The following CORIN variants were observed in gnomAD, a reference collection of about 807,000 sequenced individuals.
CORIN encodes corin, serine peptidase.
A neutral mutation model predicts 125.3 loss-of-function variants in CORIN; 117 were observed. That is an observed-to-expected ratio of 0.93 (90% CI 0.80 to 1.09). The LOEUF is 1.09. CORIN is among the 50% of genes least tolerant of loss of function. The pLI is 0.00. For missense variants in CORIN, 1,253 were observed against 1,306.7 expected (o/e 0.96, Z 0.63); for synonymous variants, 450 against 466.4 (o/e 0.96, Z 0.45).
chr4:47,789,559 T>TA (rs772357562), intron 2 of CORIN, among the ~76,000 whole-genome samples: 4 of 152,206 alleles, frequency 2.6e-5, no homozygotes, highest in Non-Finnish European at 5.9e-5. Context: ...AGAATAAACT[T>TA]AAAGGACATG....
chr4:47,660,375 A>C (rs1444625984), intron 12 of CORIN, among the ~76,000 whole-genome samples: 1 of 152,210 alleles, frequency 6.6e-6, no homozygotes, highest in Non-Finnish European at 1.5e-5. Context: ...AAAGCAAAGG[A>C]AAGTGAAGAG....
intron 3 of CORIN, among the ~76,000 whole-genome samples, chr4:47,769,019 A>G (rs1359019040): frequency 6.6e-6 from 1 of 152,214 alleles, no homozygotes; most frequent in Non-Finnish European, 1.5e-5. Context: ...TCAGAAAGAA[A>G]GAAGTTAAAC....
At chr4:47,603,113 G>C (rs1041433446) in intron 20 of CORIN, among the ~76,000 whole-genome samples, 1 of 152,154 alleles carries the variant, frequency 6.6e-6, no homozygotes, top group African/African-American at 2.4e-5. Context: ...GGATCTGGTG[G>C]GAGGTAATTG....
intron 5 of CORIN, among the ~76,000 whole-genome samples, chr4:47,701,351 T>C (rs1726285040): frequency 6.6e-6 from 1 of 152,242 alleles, no homozygotes; most frequent in Non-Finnish European, 1.5e-5. Flanking sequence ...TTGGTTCATT[T>C]TTTTCCTTTG....
rs577281723 is a variant in CORIN, at chr4:47,752,308, CTG to C, written c.618-7727_618-7726del. Among the ~76,000 whole-genome samples, 369 of 152,322 alleles carry C rather than the reference CTG, an allele frequency of 2.4e-3. 2 individuals are homozygous for C. Among genetic ancestry groups the C allele is most frequent in the African/African-American group, 8.1e-3 (338 of 41,578 alleles). On this transcript the variant is annotated intron_variant, in intron 4 of 21. Coordinates refer to ENST00000273857, the MANE Select transcript of CORIN (RefSeq NM_006587.4). ...ATCTCTCACCGGCATAACATAAGCT[CTG>C]TGAAGCCAGGGATATTTGTTTATTT...
chr4:47,670,730 T>C (rs1367571972), intron 10 of CORIN, among the ~76,000 whole-genome samples: 1 of 152,154 alleles, frequency 6.6e-6, no homozygotes, highest in African/African-American at 2.4e-5. Context: ...TTCTCCCCAT[T>C]GTCTGGATTG....
At chr4:47,812,066 C>G (rs1732088096) in intron 1 of CORIN, among the ~76,000 whole-genome samples, 1 of 152,100 alleles carries the variant, frequency 6.6e-6, no homozygotes, top group African/African-American at 2.4e-5. Flanking sequence ...ATCTCTTCAT[C>G]AGGGCTTTTA....
chr4:47,719,479 T>C (rs1403714944), intron 5 of CORIN, among the ~76,000 whole-genome samples: 1 of 152,216 alleles, frequency 6.6e-6, no homozygotes, highest in Non-Finnish European at 1.5e-5. Context: ...AGGAACAACA[T>C]ACAAATTATT....
chr4:47,821,531 C>T (rs1382120526), intron 1 of CORIN, among the ~76,000 whole-genome samples: 1 of 151,552 alleles, frequency 6.6e-6, no homozygotes, highest in African/African-American at 2.4e-5. Context: ...GATCGGAGTT[C>T]AAGGTATTAA....
Position 47,732,693 on chromosome 4 carries a change from G to A in CORIN, c.799+11709C>T, listed in dbSNP as rs1208234064. Among the ~76,000 whole-genome samples, 9 of 151,912 alleles carry A rather than the reference G, an allele frequency of 5.9e-5. No individual in the cohort carries two copies. In the East Asian group the frequency reaches 1.6e-3, roughly 26 times the overall value. ...ATTCTCCTGCCTCAGCCTCTTGAGGGCCTGGGATTACAGGCACACGCCACC... is the reference window on the plus strand; with the variant it reads ...ATTCTCCTGCCTCAGCCTCTTGAGGACCTGGGATTACAGGCACACGCCACC... On this transcript the variant is annotated intron_variant, in intron 5 of 21. Coordinates refer to ENST00000273857, the MANE Select transcript of CORIN (RefSeq NM_006587.4).
At chr4:47,787,027 T>C (rs1408667705) in intron 2 of CORIN, 102 bp from the exon 3 acceptor site, 1 of 818,484 alleles carries the variant, frequency 1.2e-6, no homozygotes, top group East Asian at 2.7e-5. Context: ...ACTTTCCCTA[T>C]GTCATTCTAA....
At chr4:47,719,069 A>G (rs909276154) in intron 5 of CORIN, among the ~76,000 whole-genome samples, 2 of 152,204 alleles carry the variant, frequency 1.3e-5, no homozygotes, top group African/African-American at 4.8e-5. Context: ...CTGCAGCTCA[A>G]GCCTCTCTCC....
Position 47,677,944 on chromosome 4 carries a change from T to C in CORIN, c.1243A>G (p.Ser415Gly). 1 of 1,609,422 alleles carries C rather than the reference T, an allele frequency of 6.2e-7. No individual in the cohort carries two copies. Among genetic ancestry groups the C allele is most frequent in the South Asian group, 1.1e-5 (1 of 90,988 alleles). Reference protein sequence around the residue: ...CKDGSDEENCSVIQTSCQEGD... With the variant: ...CKDGSDEENCGVIQTSCQEGD... ...GGTGGTGGGACACACTTACTGACGC[T>C]GCAGTTCTCCTCATCACTCCCATCC... Residue 415 changes from serine to glycine, a missense_variant, in exon 9 of 22, where the codon AGC becomes GGC. Physicochemically the swap from Ser to Gly is moderately conservative, Grantham distance 56. Transcript: ENST00000273857.
chr4:47,706,807 T>A (rs1726588305), intron 5 of CORIN: 2 of 1,598,156 alleles, frequency 1.3e-6, no homozygotes, highest in Non-Finnish European at 1.7e-6. Context: ...TCAGAAGAAA[T>A]CCTGACACCC....
chr4:47,643,290 A>G, intron 14 of CORIN, 34 bp from the exon 15 acceptor site: 1 of 1,555,206 alleles, frequency 6.4e-7, no homozygotes, highest in South Asian at 1.2e-5. Context: ...GAAGGAAAAC[A>G]TTTTAGAAAT....
intron 3 of CORIN, among the ~76,000 whole-genome samples, chr4:47,785,549 A>T (rs1730754843): frequency 1.3e-5 from 2 of 152,188 alleles, no homozygotes; most frequent in African/African-American, 4.8e-5. Context: ...AACATGTAAA[A>T]TAAATTTTAC....
intron 16 of CORIN, among the ~76,000 whole-genome samples, chr4:47,638,416 C>T (rs1461199990): frequency 6.6e-6 from 1 of 152,106 alleles, no homozygotes. Context: ...GGCTGTGTCT[C>T]CACCCAAATC....
intron 4 of CORIN, among the ~76,000 whole-genome samples, chr4:47,746,041 A>G (rs781103585): frequency 6.6e-6 from 1 of 152,224 alleles, no homozygotes; most frequent in African/African-American, 2.4e-5. Flanking sequence ...TTCAGCATAT[A>G]AAATATGAAT....
intron 2 of CORIN, among the ~76,000 whole-genome samples, chr4:47,789,246 G>A (rs1457821001): frequency 6.6e-6 from 1 of 152,192 alleles, no homozygotes; most frequent in Non-Finnish European, 1.5e-5. Flanking sequence ...AGAGGTTGCA[G>A]TGAGCCGAGT....
Sources: allele counts gnomAD v4.1 joint callset (sites outside exome capture counted in the v4.1 genomes callset), GRCh38; gene constraint gnomAD v4.1.1; transcripts MANE v1.5; gene names NCBI Gene and HGNC (gene_info 2026-07-23, HGNC 2026-07-21).